BAG3: variants seen among roughly 807,000 people sequenced by gnomAD.
BAG3 encodes the protein BAG cochaperone 3.
BAG3 carries 14 observed loss-of-function variants against 40.5 expected under a neutral mutation model. The ratio of observed to expected loss-of-function variants is 0.35; its 90% CI spans 0.23 to 0.54. The LOEUF is 0.54. Ranked by LOEUF, BAG3 falls within the 20% of genes least tolerant of loss-of-function variation. The pLI is 0.91. For synonymous variants in BAG3, 302 were observed against 307.8 expected (o/e 0.98, Z 0.20); for missense variants, 788 against 758.6 (o/e 1.04, Z -0.46).
At position 119,651,700 on chromosome 10, in the gene BAG3, A is replaced by G. The variant is rs137965903; in HGVS notation, c.25A>G (p.Met9Val). 3.2e-4 allele frequency: 503 copies of G among 1,589,294 alleles called. 2 individuals are homozygous for G. In the African/African-American group the frequency reaches 6.1e-3, roughly 19 times the overall value. Residue 9 changes from methionine (M) to valine (V), a missense_variant, in exon 1 of 4, where the codon ATG becomes GTG. By Grantham distance (21) the Met-to-Val change is conservative. Transcript: ENST00000369085. ...CATGAGCGCCGCCACCCACTCGCCC[A>G]TGATGCAGGTGGCGTCCGGCAACGG... MSAATHSP[M>V]MQVASGNGDR...
chr10:119,656,591 C>T (rs941233391), intron 1 of BAG3: 1 of 152,090 alleles, frequency 6.6e-6, no homozygotes, highest in Non-Finnish European at 1.5e-5. Flanking sequence ...TTTGCAGGTG[C>T]AGGATTCATC....
intron 3 of BAG3, among the ~76,000 whole-genome samples, chr10:119,675,689 G>T (rs532738489): frequency 2.6e-5 from 4 of 151,968 alleles, no homozygotes; most frequent in Non-Finnish European, 5.9e-5. Flanking sequence ...GAGTCACTCA[G>T]GACTCTGCTC....
In BAG3 at chr10:119,675,789, T is replaced by C. The variant is rs1257658665; in HGVS notation, c.910-675T>C. On this transcript the variant is annotated intron_variant, in intron 3 of 3. Coordinates refer to ENST00000369085, the MANE Select transcript of BAG3 (RefSeq NM_004281.4). ...CTTCCCTCCTTCCCTCCCCCTCCCT[T>C]CCCCCCTTCCCCTTCCCCCCTTCCC... 6.0e-5 allele frequency among the ~76,000 whole-genome samples: 4 copies of C among 67,028 alleles called. 1 individual carries two copies. Among genetic ancestry groups the C allele is most frequent in the Non-Finnish European group, 5.6e-5 (2 of 35,910 alleles). 44.0% of individuals were successfully genotyped at this position (67,028 alleles called of 152,430 possible).
At chr10:119,676,089 C>T (rs1006852633) in intron 3 of BAG3, among the ~76,000 whole-genome samples, 1 of 150,360 alleles carries the variant, frequency 6.7e-6, no homozygotes, top group African/African-American at 2.5e-5. Context: ...CCACACCTGG[C>T]TAATTTTTAA....
At chr10:119,661,803 T>C (rs1451550608) in intron 1 of BAG3, among the ~76,000 whole-genome samples, 1 of 152,092 alleles carries the variant, frequency 6.6e-6, no homozygotes, top group Non-Finnish European at 1.5e-5. Context: ...TAGTTTATTA[T>C]TCAGAATTTT....
rs532603934 is a variant in BAG3, at chr10:119,667,331, G to A, written c.181-2520G>A. Among the ~76,000 whole-genome samples, 11 of 152,236 alleles carry A rather than the reference G, an allele frequency of 7.2e-5. 1 individual carries two copies. Among genetic ancestry groups the A allele is most frequent in the African/African-American group, 2.6e-4 (11 of 41,534 alleles). The stretch of plus-strand genomic sequence containing the variant: ...TTTGGAGTCTGAAAAGCATAATTTT[G>A]TGCGTATTTAGGGAGAAACTCACAT... On this transcript the variant is annotated intron_variant, in intron 1 of 3. Transcript: ENST00000369085.
chr10:119,670,205 G>T, intron 2 of BAG3, 28 bp downstream of exon 2: 1 of 1,570,850 alleles, frequency 6.4e-7, no homozygotes. Context: ...TCACCAGCCT[G>T]CTGGGGAGCA....
rs387906875 is a variant in BAG3 at position 119,670,037 on chromosome 10, C to T, written c.367C>T (p.Arg123Ter). Residue 123 changes from arginine to a stop codon, truncating the protein, a stop_gained, in exon 2 of 4, where the codon CGA (arginine) becomes TGA (stop). Transcript: ENST00000369085. LOFTEE classifies it high-confidence loss of function. ...TCCCCAGCCTGGGATGCAGCGATTCCGAACTGAGGCGGCAGCAGCGGCTCC... is the reference window on the plus strand; with the variant it reads ...TCCCCAGCCTGGGATGCAGCGATTCTGAACTGAGGCGGCAGCAGCGGCTCC... The part of the protein sequence containing the change: ...VYPQPGMQRF[R>*]TEAAAAAPQR... 5 of 1,614,238 alleles carry T rather than the reference C, an allele frequency of 3.1e-6. No homozygotes were observed. The highest frequency in any genetic ancestry group is 3.4e-6 in the Non-Finnish European group (4 of 1,180,046).
At chr10:119,666,103 C>A (rs1280963946) in intron 1 of BAG3, among the ~76,000 whole-genome samples, 1 of 152,220 alleles carries the variant, frequency 6.6e-6, no homozygotes, top group Non-Finnish European at 1.5e-5. Context: ...GTGCCCTTTA[C>A]CCTCCAGGCC....
chr10:119,674,344 G>C (rs989784933), intron 3 of BAG3, among the ~76,000 whole-genome samples: 20 of 152,290 alleles, frequency 1.3e-4, no homozygotes, highest in African/African-American at 4.8e-4. Context: ...ATCCATACTT[G>C]GGTTCAGCAA....
chr10:119,676,843 A>T lies in BAG3; in HGVS notation c.1289A>T (p.Glu430Val), dbSNP rs748744340. Residue 430 changes from glutamate to valine, a missense_variant, in exon 4 of 4, where the codon GAG (glutamate) becomes GTG (valine). Transcript: ENST00000369085. Reference sequence around the variant, plus strand: ...GTGCTGAAAGTGGAAGCCATCCTGGAGAAGGTACAGGGGCTGGAGCAGGCT... The same window carrying T: ...GTGCTGAAAGTGGAAGCCATCCTGGTGAAGGTACAGGGGCTGGAGCAGGCT... ...PGVLKVEAIL[E>V]KVQGLEQAVD... is the part of the protein sequence containing the mutation. The T allele has an allele frequency of 6.2e-7, 1 of 1,614,048 alleles. No homozygotes were observed. The highest frequency in any genetic ancestry group is 8.5e-7 in the Non-Finnish European group (1 of 1,180,026).
At position 119,655,151 on chromosome 10, in the gene BAG3, G is replaced by A. The variant is rs151243716; in HGVS notation, c.180+3296G>A. On this transcript the variant is annotated intron_variant, in intron 1 of 3. Coordinates refer to ENST00000369085, the MANE Select transcript of BAG3 (RefSeq NM_004281.4). The stretch of plus-strand genomic sequence containing the variant: ...GCCTCCTGAACATCTATCCTGCAGA[G>A]CATTTTCCCAAGCCTCCATTTTCCT... Among the ~76,000 whole-genome samples, 598 of 152,302 alleles carry A rather than the reference G, an allele frequency of 3.9e-3. 1 individual carries two copies. The highest frequency in any genetic ancestry group is 0.025 in the East Asian group (129 of 5,182).
chr10:119,677,195 A>G lies in BAG3; in HGVS notation c.1641A>G (p.Thr547=), dbSNP rs1384879030. 1.2e-6 allele frequency: 2 copies of G among 1,614,042 alleles called. No homozygotes were observed. Among genetic ancestry groups the G allele is most frequent in the African/African-American group, 2.7e-5 (2 of 74,932 alleles). Residue 547 remains threonine (T), a synonymous_variant, in exon 4 of 4, where the codon ACA becomes ACG. Coordinates refer to ENST00000369085, the MANE Select transcript of BAG3 (RefSeq NM_004281.4). The part of the protein sequence containing the change: ...KNAGNAEDPH[T]ETQQPEATAA... ...CTGGAAATGCAGAAGATCCCCACAC[A>G]GAAACCCAGCAGCCAGAAGCCACAG...
chr10:119,654,454 A>T (rs1339432926), intron 1 of BAG3, among the ~76,000 whole-genome samples: 1 of 152,194 alleles, frequency 6.6e-6, no homozygotes, highest in Non-Finnish European at 1.5e-5. Context: ...AGACCTTTGT[A>T]TTTTATTTCG....
chr10:119,663,086 C>T (rs1018977943), intron 1 of BAG3, among the ~76,000 whole-genome samples: 3 of 152,166 alleles, frequency 2.0e-5, no homozygotes, highest in South Asian at 2.1e-4. Context: ...TGCCCATTTT[C>T]GGGTTTCAGT....
At chr10:119,665,802 G>A (rs59118651) in intron 1 of BAG3, among the ~76,000 whole-genome samples, 7 of 150,622 alleles carry the variant, frequency 4.6e-5, no homozygotes, top group Non-Finnish European at 7.4e-5. Flanking sequence ...TGTTGTTGTT[G>A]TTTTTTTTTA....
chr10:119,659,338 G>T (rs895675323), intron 1 of BAG3, among the ~76,000 whole-genome samples: 1 of 152,232 alleles, frequency 6.6e-6, no homozygotes, highest in African/African-American at 2.4e-5. Context: ...AGCTGTGTCT[G>T]TGCAGCCGCA....
chr10:119,659,134 G>A (rs1846957565), intron 1 of BAG3, among the ~76,000 whole-genome samples: 1 of 152,190 alleles, frequency 6.6e-6, no homozygotes. Flanking sequence ...AGTGGAGGAT[G>A]TAAAGGAACA....
At chr10:119,675,750 T>TC (rs1362868524) in intron 3 of BAG3, among the ~76,000 whole-genome samples, 15 of 126,518 alleles carry the variant, frequency 1.2e-4, no homozygotes, top group African/African-American at 3.6e-4. Flanking sequence ...TTTTTTTCCT[T>TC]CTTTCCTTCC....
Sources: allele counts gnomAD v4.1 joint callset (sites outside exome capture counted in the v4.1 genomes callset), GRCh38; gene constraint gnomAD v4.1.1; transcripts MANE v1.5; gene names NCBI Gene and HGNC (gene_info 2026-07-23, HGNC 2026-07-21).